Variants in ZNF609 observed in about 807,000 individuals in gnomAD.
ZNF609 encodes the protein zinc finger protein 609.
A neutral mutation model predicts 109.5 loss-of-function variants in ZNF609; 11 were observed. The observed-to-expected ratio is 0.10, with a 90% CI of 0.06 to 0.17. ZNF609 has a LOEUF of 0.17. ZNF609 is among the 10% of genes least tolerant of loss of function. ZNF609 has a pLI of 1.00. For missense variants in ZNF609, 1,559 were observed against 1,772.4 expected (o/e 0.88, Z 2.16); for synonymous variants, 646 against 662.0 (o/e 0.98, Z 0.37).
intron 2 of ZNF609, among the ~76,000 whole-genome samples, chr15:64,514,100 A>C (rs1487758068): frequency 6.6e-6 from 1 of 151,936 alleles, no homozygotes; most frequent in East Asian, 1.9e-4. Flanking sequence ...AAAAAAAAAA[A>C]AAAACCACCA....
chr15:64,613,189 C>T (rs914048093), intron 2 of ZNF609, among the ~76,000 whole-genome samples: 8 of 151,934 alleles, frequency 5.3e-5, no homozygotes, highest in Non-Finnish European at 8.8e-5. Flanking sequence ...GTCATGGTGG[C>T]GTGCACCTGT....
chr15:64,499,303 G>T lies in ZNF609; in HGVS notation c.-117G>T. 1 of 1,334,604 alleles carries T rather than the reference G, an allele frequency of 7.5e-7. No homozygotes were observed. Among genetic ancestry groups the T allele is most frequent in the East Asian group, 2.3e-5 (1 of 42,940 alleles). The allele number at this position is 1,334,604 out of a possible 1,614,324, so 82.7% of individuals were successfully genotyped here. ...ATTTTCTTTTTCCAGCAATGATGTT[G>T]TCCACTGGGCATGTACTGACCAATG... On this transcript the variant is annotated 5_prime_UTR_variant, in exon 2 of 10. Coordinates refer to ENST00000326648, the MANE Select transcript of ZNF609 (RefSeq NM_015042.2).
intron 3 of ZNF609, among the ~76,000 whole-genome samples, chr15:64,660,612 C>G (rs192530066): frequency 1.5e-4 from 23 of 152,314 alleles, no homozygotes; most frequent in Admixed American, 1.4e-3. Context: ...TCTGTGTGAT[C>G]TGGTCCACCG....
chr15:64,603,532 G>T (rs1169808781), intron 2 of ZNF609, among the ~76,000 whole-genome samples: 1 of 151,408 alleles, frequency 6.6e-6, no homozygotes, highest in Non-Finnish European at 1.5e-5. Flanking sequence ...GCCTCCCAAA[G>T]TACTGGGATT....
chr15:64,583,951 C>CT (rs997836554), intron 2 of ZNF609, among the ~76,000 whole-genome samples: 1 of 152,122 alleles, frequency 6.6e-6, no homozygotes, highest in African/African-American at 2.4e-5. Context: ...TAGGTTTCAT[C>CT]TTTTTTTGGT....
intron 2 of ZNF609, among the ~76,000 whole-genome samples, chr15:64,586,647 C>T (rs1039989141): frequency 1.3e-5 from 2 of 152,026 alleles, no homozygotes; most frequent in East Asian, 3.9e-4. Flanking sequence ...TCCCCCGTCC[C>T]GCCAACCCCC....
intron 5 of ZNF609, among the ~76,000 whole-genome samples, 185 bp from the exon 6 acceptor site, chr15:64,677,931 G>A (rs150168784): frequency 9.9e-5 from 15 of 152,248 alleles, no homozygotes; most frequent in Admixed American, 2.6e-4. Flanking sequence ...AGGTGGGGGC[G>A]GGGGCTTTTT....
intron 3 of ZNF609, among the ~76,000 whole-genome samples, chr15:64,623,474 T>C (rs555288891): frequency 2.0e-4 from 31 of 152,360 alleles, no homozygotes; most frequent in African/African-American, 7.2e-4. Context: ...GCTCATTGCA[T>C]ATGCAGCTCT....
intron 2 of ZNF609, among the ~76,000 whole-genome samples, chr15:64,531,996 T>G (rs1894070442): frequency 6.6e-6 from 1 of 152,198 alleles, no homozygotes. Flanking sequence ...ATCCACATGA[T>G]CTGTGCTTCT....
At chr15:64,617,833 T>G (rs1895822755) in intron 2 of ZNF609, among the ~76,000 whole-genome samples, 1 of 152,176 alleles carries the variant, frequency 6.6e-6, no homozygotes, top group Admixed American at 6.5e-5. Context: ...CATAAAGTGT[T>G]GGGAAACTCC....
At chr15:64,494,776 A>G (rs2140347077) in intron 1 of ZNF609, among the ~76,000 whole-genome samples, 1 of 152,158 alleles carries the variant, frequency 6.6e-6, no homozygotes, top group Non-Finnish European at 1.5e-5. Context: ...CCACCCGTCT[A>G]GGCCTCCCAA....
intron 1 of ZNF609, among the ~76,000 whole-genome samples, chr15:64,490,148 A>G (rs1436061692): frequency 1.3e-5 from 2 of 151,956 alleles, no homozygotes; most frequent in Non-Finnish European, 2.9e-5. Flanking sequence ...ATTTTTGTAG[A>G]GACAGGGTCC....
chr15:64,668,590 G>C (rs1458912689), intron 3 of ZNF609, among the ~76,000 whole-genome samples: 1 of 151,998 alleles, frequency 6.6e-6, no homozygotes, highest in Non-Finnish European at 1.5e-5. Flanking sequence ...AAATGGTCTT[G>C]ACAAGAGGAT....
chr15:64,636,948 T>A (rs1052515185), intron 3 of ZNF609, among the ~76,000 whole-genome samples: 1 of 152,222 alleles, frequency 6.6e-6, no homozygotes, highest in African/African-American at 2.4e-5. Flanking sequence ...ACGCAAATTC[T>A]ACGTGTGCAA....
chr15:64,480,048 C>G (rs1021334435), intron 1 of ZNF609, among the ~76,000 whole-genome samples: 1 of 150,986 alleles, frequency 6.6e-6, no homozygotes, highest in Non-Finnish European at 1.5e-5. Context: ...ACCAGCCTGG[C>G]GAACGTGGCA....
In ZNF609 at chr15:64,645,057, C is replaced by T. The variant is rs369371245; in HGVS notation, c.973+22005C>T. On this transcript the variant is annotated intron_variant, in intron 3 of 9. Coordinates refer to ENST00000326648, the MANE Select transcript of ZNF609 (RefSeq NM_015042.2). ...TCTTCCTTCCTTTCTTTCTTCCTTT[C>T]TTCCTTCCTTCCTTCCTTCCTTTCT... Among the ~76,000 whole-genome samples, 5 of 129,556 alleles carry T rather than the reference C, an allele frequency of 3.9e-5. No homozygotes were observed. The East Asian group carries it at 8.9e-4, about 23-fold the overall frequency. The allele number at this position is 129,556 out of a possible 152,430, so 85.0% of individuals were successfully genotyped here. A position where few individuals can be genotyped will look rare whatever the true frequency, so the allele number is the denominator to read the frequency against.
Position 64,525,843 on chromosome 15 carries a change from G to A in ZNF609, c.747+25677G>A, listed in dbSNP as rs1254004864. Among the ~76,000 whole-genome samples, 4 of 151,578 alleles carry A rather than the reference G, an allele frequency of 2.6e-5. No individual in the cohort carries two copies. In the South Asian group the frequency reaches 6.2e-4, roughly 24 times the overall value. ...CTGTCCACCAGGCAGGGGTACAGTG[G>A]CACAGTCTTGGCTTGGATCACTGCA... On this transcript the variant is annotated intron_variant, in intron 2 of 9. Coordinates refer to ENST00000326648, the MANE Select transcript of ZNF609 (RefSeq NM_015042.2).
At chr15:64,475,469 A>G (rs147765121) in intron 1 of ZNF609, among the ~76,000 whole-genome samples, 3,432 of 147,272 alleles carry the variant, frequency 0.023, 59 homozygotes, top group South Asian at 0.04. Flanking sequence ...GCTCACTGCA[A>G]CCTCCACCTC....
chr15:64,608,638 C>G (rs1188520295), intron 2 of ZNF609, among the ~76,000 whole-genome samples: 1 of 152,120 alleles, frequency 6.6e-6, no homozygotes, highest in Admixed American at 6.6e-5. Context: ...CTTCCCCTGC[C>G]CACCCCTAAT....
Sources: allele counts gnomAD v4.1 joint callset (sites outside exome capture counted in the v4.1 genomes callset), GRCh38; gene constraint gnomAD v4.1.1; transcripts MANE v1.5; gene names NCBI Gene and HGNC (gene_info 2026-07-23, HGNC 2026-07-21).